CDK14: variants seen among roughly 807,000 people sequenced by gnomAD.
The protein encoded by CDK14 is cyclin dependent kinase 14.
Under a neutral mutation model 60.7 loss-of-function variants are expected in CDK14, and 34 were observed. That is an observed-to-expected ratio of 0.56 (90% CI 0.43 to 0.75). The LOEUF is 0.75. Among genes scored for constraint, CDK14 ranks in the 30% least tolerant of loss-of-function variants. The pLI is 0.00. For missense variants in CDK14, 482 were observed against 564.1 expected, an observed-to-expected ratio of 0.85 and a Z score of 1.47; for synonymous variants, 197 against 203.7, an observed-to-expected ratio of 0.97 and a Z score of 0.28.
intron 11 of CDK14, among the ~76,000 whole-genome samples, chr7:91,073,900 CAAAG>C (rs1584017451): frequency 3.3e-5 from 5 of 151,086 alleles, no homozygotes; most frequent in Admixed American, 2.6e-4. Context: ...TCAGAAAAGA[CAAAG>C]AAGGGCATTA....
intron 2 of CDK14, among the ~76,000 whole-genome samples, chr7:90,670,538 A>C (rs1801075341): frequency 6.6e-6 from 1 of 152,186 alleles, no homozygotes; most frequent in Admixed American, 6.5e-5. Context: ...AGGCTGTATG[A>C]GCATGATGCC....
intron 12 of CDK14, among the ~76,000 whole-genome samples, 180 bp downstream of exon 12, chr7:91,079,660 A>G (rs1562895927): frequency 1.3e-5 from 2 of 152,198 alleles, no homozygotes; most frequent in African/African-American, 4.8e-5. Context: ...GCCTGAGCCA[A>G]CACTGTATGA....
rs149011640 is a variant in CDK14 at position 90,642,866 on chromosome 7, AT to A, written c.123+38619del. On this transcript the variant is annotated intron_variant, in intron 2 of 14. Coordinates refer to ENST00000380050, the MANE Select transcript of CDK14 (RefSeq NM_001287135.2). Reference sequence around the variant, plus strand: ...ATTGTTAAACCTCCATTTGTTTCCTATTACTGCCTTGAGAGTGATGAAAGTT... The same window carrying A: ...ATTGTTAAACCTCCATTTGTTTCCTATACTGCCTTGAGAGTGATGAAAGTT... Among the ~76,000 whole-genome samples, 781 of 152,182 alleles carry A rather than the reference AT, an allele frequency of 5.1e-3. 8 individuals carry two copies. The highest frequency in any genetic ancestry group is 0.017 in the African/African-American group (699 of 41,506).
At chr7:90,861,593 C>CT in intron 5 of CDK14, among the ~76,000 whole-genome samples, 1 of 152,166 alleles carries the variant, frequency 6.6e-6, no homozygotes, top group Middle Eastern at 3.4e-3. Context: ...AAAGCATTGC[C>CT]TCTAGGGGAG....
At chr7:90,823,092 G>A (rs1212787528) in intron 5 of CDK14, among the ~76,000 whole-genome samples, 1 of 152,178 alleles carries the variant, frequency 6.6e-6, no homozygotes, top group Non-Finnish European at 1.5e-5. Context: ...GAATCATAAA[G>A]TTGGCCCTCT....
Position 90,638,366 on chromosome 7 carries a change from A to G in CDK14, c.123+34117A>G, listed in dbSNP as rs533672215. Among the ~76,000 whole-genome samples the G allele has an allele frequency of 3.9e-5, 6 of 152,214 alleles. No individual in the cohort carries two copies. The South Asian group carries it at 1.0e-3, about 26-fold the overall frequency. ...CTCATCATTTGCTTGTCTGTAAAGT[A>G]TTTTATTTCTTCTTCACTTATGAAG... is the stretch of plus-strand genomic sequence containing the variant. On this transcript the variant is annotated intron_variant, in intron 2 of 14. Coordinates refer to ENST00000380050, the MANE Select transcript of CDK14 (RefSeq NM_001287135.2).
At chr7:91,193,957 C>CCATT (rs1171387679) in intron 14 of CDK14, among the ~76,000 whole-genome samples, 1 of 152,058 alleles carries the variant, frequency 6.6e-6, no homozygotes, top group East Asian at 1.9e-4. Context: ...ATTATGCACA[C>CCATT]CATTATTCTG....
intron 10 of CDK14, among the ~76,000 whole-genome samples, chr7:90,992,930 A>C (rs1347479556): frequency 6.6e-6 from 1 of 152,192 alleles, no homozygotes; most frequent in Non-Finnish European, 1.5e-5. Flanking sequence ...CCAAGTAGGA[A>C]TTATGCTGGG....
At chr7:91,118,655 T>G (rs1229394910) in intron 14 of CDK14, among the ~76,000 whole-genome samples, 1 of 152,194 alleles carries the variant, frequency 6.6e-6, no homozygotes, top group Non-Finnish European at 1.5e-5. Context: ...CTAGCAATAT[T>G]GCCTTCACAT....
chr7:91,138,251 CTT>C (rs920238456), intron 14 of CDK14, among the ~76,000 whole-genome samples: 18 of 152,228 alleles, frequency 1.2e-4, no homozygotes, highest in African/African-American at 4.1e-4. Context: ...ATTACTTTCT[CTT>C]ATTTATTTTT....
chr7:90,849,118 G>T (rs554617732), intron 5 of CDK14, among the ~76,000 whole-genome samples: 62 of 152,264 alleles, frequency 4.1e-4, no homozygotes, highest in African/African-American at 1.4e-3. Context: ...AGGTGTTTGG[G>T]TCGTGGGGGC....
At chr7:91,108,659 G>C (rs1799383128) in intron 12 of CDK14, among the ~76,000 whole-genome samples, 1 of 152,180 alleles carries the variant, frequency 6.6e-6, no homozygotes, top group Non-Finnish European at 1.5e-5. Flanking sequence ...GTGTACGTCA[G>C]ATTTGTGTAC....
chr7:90,675,740 A>T (rs1401696175), intron 2 of CDK14, among the ~76,000 whole-genome samples: 1 of 152,250 alleles, frequency 6.6e-6, no homozygotes, highest in Non-Finnish European at 1.5e-5. Flanking sequence ...ATCTTAGAGT[A>T]ATATGATTCA....
In CDK14 at chr7:90,820,375, A is replaced by G. The variant is rs113955680; in HGVS notation, c.544+29723A>G. On this transcript the variant is annotated intron_variant, in intron 5 of 14. Transcript: ENST00000380050. ...TCTCATCTCAAATTGTAATCCCCAC[A>G]TGTCAGAGGAGGGGCCTGGTGGGAG... Among the ~76,000 whole-genome samples the G allele has an allele frequency of 2.0e-5, 3 of 152,060 alleles. No homozygotes were observed. The East Asian group carries it at 5.8e-4, about 29-fold the overall frequency.
At chr7:90,899,237 T>C in intron 6 of CDK14, 54 bp from the exon 7 acceptor site, 3 of 1,356,278 alleles carry the variant, frequency 2.2e-6, no homozygotes, top group Non-Finnish European at 3.1e-6. Flanking sequence ...AAAATATTGA[T>C]TTATTATGTT....
chr7:90,697,569 T>TTG (rs1427459519), intron 2 of CDK14, among the ~76,000 whole-genome samples: 1 of 152,190 alleles, frequency 6.6e-6, no homozygotes, highest in Non-Finnish European at 1.5e-5. Flanking sequence ...TTTTCGGATG[T>TTG]TACATAGTGC....
At chr7:91,201,356 A>G (rs1802716429) in intron 14 of CDK14, among the ~76,000 whole-genome samples, 1 of 152,306 alleles carries the variant, frequency 6.6e-6, no homozygotes, top group African/African-American at 2.4e-5. Context: ...ACAGCTTCAC[A>G]TACATCCTGG....
intron 6 of CDK14, among the ~76,000 whole-genome samples, chr7:90,876,563 G>A (rs1791568898): frequency 6.6e-6 from 1 of 152,162 alleles, no homozygotes; most frequent in South Asian, 2.1e-4. Context: ...CTCCGCATAA[G>A]CAGTGCTGCT....
intron 2 of CDK14, among the ~76,000 whole-genome samples, chr7:90,626,227 A>G (rs1799873836): frequency 6.6e-6 from 1 of 152,138 alleles, no homozygotes; most frequent in Non-Finnish European, 1.5e-5. Flanking sequence ...TTCCACCCCT[A>G]CATTCCTAGG....
Sources: gnomAD v4.1 joint callset for allele counts (sites outside exome capture counted in the v4.1 genomes callset) on GRCh38, gnomAD v4.1.1 for gene constraint, MANE v1.5 for transcripts, NCBI Gene and HGNC (gene_info 2026-07-23, HGNC 2026-07-21) for gene names.